The following CTNND2 variants were observed in gnomAD, a reference collection of about 807,000 sequenced individuals.
CTNND2 encodes the protein catenin delta-2.
Under a neutral mutation model 144.4 loss-of-function variants are expected in CTNND2, and 22 were observed. That is an observed-to-expected ratio of 0.15 (90% CI 0.11 to 0.22). CTNND2 has a LOEUF of 0.22. CTNND2 is among the 10% of genes least tolerant of loss of function. CTNND2 has a pLI of 1.00. For missense variants in CTNND2, 1,353 were observed against 1,618.8 expected (o/e 0.84, Z 2.82); for synonymous variants, 751 against 695.6 (o/e 1.08, Z -1.25).
chr5:11,899,663 T>C (rs796517900), intron 1 of CTNND2, among the ~76,000 whole-genome samples: 20 of 152,358 alleles, frequency 1.3e-4, no homozygotes, highest in African/African-American at 4.8e-4. Flanking sequence ...TATGTATATA[T>C]TGATTTCTTG....
chr5:10,996,230 C>CACTG (rs1328520122), intron 18 of CTNND2, among the ~76,000 whole-genome samples: 1 of 152,114 alleles, frequency 6.6e-6, no homozygotes, highest in East Asian at 1.9e-4. Flanking sequence ...AAGGGAACGT[C>CACTG]ACGGAAGCTA....
At chr5:11,702,054 C>T (rs2126672928) in intron 2 of CTNND2, among the ~76,000 whole-genome samples, 1 of 152,306 alleles carries the variant, frequency 6.6e-6, no homozygotes, top group Admixed American at 6.5e-5. Context: ...TCAACCATCG[C>T]TCTGAGAAAA....
rs370037851 is a variant in CTNND2 at position 11,443,000 on chromosome 5, T to C, written c.288-30931A>G. On this transcript the variant is annotated intron_variant, in intron 3 of 21. Coordinates refer to ENST00000304623, the MANE Select transcript of CTNND2 (RefSeq NM_001332.4). ...TATATTACATACACCATGAAGAATA[T>C]ATTTAAAGAGTATATTGGTTTCTAT... Among the ~76,000 whole-genome samples the C allele has an allele frequency of 2.7e-5, 4 of 148,306 alleles. No homozygotes were observed. In the South Asian group the frequency reaches 6.3e-4, roughly 23 times the overall value.
chr5:11,477,995 A>G (rs939646753), intron 3 of CTNND2, among the ~76,000 whole-genome samples: 1 of 152,224 alleles, frequency 6.6e-6, no homozygotes, highest in Non-Finnish European at 1.5e-5. Flanking sequence ...TTTGGGTGGT[A>G]GAGTTTAACC....
intron 9 of CTNND2, among the ~76,000 whole-genome samples, chr5:11,240,204 CA>C (rs1742099015): frequency 1.0e-4 from 13 of 127,426 alleles, no homozygotes; most frequent in Non-Finnish European, 1.3e-4. Flanking sequence ...CACACACACA[CA>C]CCCCCAACAC....
At chr5:11,324,463 T>G (rs1272665836) in intron 9 of CTNND2, among the ~76,000 whole-genome samples, 1 of 152,216 alleles carries the variant, frequency 6.6e-6, no homozygotes, top group Non-Finnish European at 1.5e-5. Context: ...TCGTTTTTTG[T>G]TGAAAGTTAC....
intron 1 of CTNND2, among the ~76,000 whole-genome samples, chr5:11,891,252 G>A (rs905859921): frequency 1.3e-5 from 2 of 152,130 alleles, no homozygotes; most frequent in East Asian, 3.8e-4. Context: ...ATAAATCAAA[G>A]CAAAACATTT....
intron 9 of CTNND2, among the ~76,000 whole-genome samples, chr5:11,274,029 C>A (rs1464430824): frequency 6.6e-6 from 1 of 152,170 alleles, no homozygotes; most frequent in Non-Finnish European, 1.5e-5. Flanking sequence ...ATTTCGACTG[C>A]TCCTGCTTCA....
chr5:11,340,570 AC>A (rs377192809), intron 9 of CTNND2, among the ~76,000 whole-genome samples: 24 of 152,268 alleles, frequency 1.6e-4, no homozygotes, highest in African/African-American at 5.8e-4. Context: ...CAAAATTGGG[AC>A]CCAAAAAAGA....
intron 3 of CTNND2, among the ~76,000 whole-genome samples, chr5:11,436,327 G>T (rs1307411539): frequency 6.6e-6 from 1 of 152,162 alleles, no homozygotes; most frequent in Admixed American, 6.5e-5. Context: ...GAGGCAGAAA[G>T]ATCTCCAACC....
chr5:11,564,015 A>G (rs1776880704), intron 3 of CTNND2, among the ~76,000 whole-genome samples: 2 of 152,188 alleles, frequency 1.3e-5, no homozygotes, highest in South Asian at 4.1e-4. Context: ...CTCTGAGTGC[A>G]GTGATGCAAT....
chr5:10,986,663 T>C (rs1456986644), intron 20 of CTNND2: 1 of 456,164 alleles, frequency 2.2e-6, no homozygotes, highest in Admixed American at 2.3e-5. Flanking sequence ...TGAGTTAGGT[T>C]CTCCCGTTCA....
At chr5:11,781,352 T>G (rs1790533689) in intron 1 of CTNND2, among the ~76,000 whole-genome samples, 1 of 152,214 alleles carries the variant, frequency 6.6e-6, no homozygotes, top group African/African-American at 2.4e-5. Flanking sequence ...ATCAGTTCCC[T>G]AACACAATCA....
At chr5:11,609,261 C>A (rs1423555026) in intron 2 of CTNND2, among the ~76,000 whole-genome samples, 2 of 152,194 alleles carry the variant, frequency 1.3e-5, no homozygotes, top group African/African-American at 4.8e-5. Flanking sequence ...ACATGTCTCC[C>A]AGTAAGTCAT....
At chr5:11,118,491 C>T (rs1195856616) in intron 12 of CTNND2, among the ~76,000 whole-genome samples, 1 of 152,228 alleles carries the variant, frequency 6.6e-6, no homozygotes, top group African/African-American at 2.4e-5. Flanking sequence ...TCGGAATCCT[C>T]TGGAGGTGTG....
chr5:11,732,374 T>C (rs1787440792), intron 1 of CTNND2, 102 bp from the exon 2 acceptor site: 2 of 1,148,144 alleles, frequency 1.7e-6, no homozygotes, highest in East Asian at 2.4e-5. Context: ...AAAGTAAAAC[T>C]ATAAGCTGCT....
chr5:11,276,705 A>G (rs559706858), intron 9 of CTNND2, among the ~76,000 whole-genome samples: 3 of 152,334 alleles, frequency 2.0e-5, no homozygotes, highest in Non-Finnish European at 4.4e-5. Flanking sequence ...AAGGATCTCA[A>G]GAGGAAATCA....
At chr5:11,461,904 G>A in intron 3 of CTNND2, among the ~76,000 whole-genome samples, 1 of 152,058 alleles carries the variant, frequency 6.6e-6, no homozygotes, top group East Asian at 1.9e-4. Context: ...ATAAAGTTTT[G>A]TTCATATTGC....
rs561914328 is a variant in CTNND2 at position 11,105,986 on chromosome 5, T to C, written c.2463+4872A>G. Among the ~76,000 whole-genome samples the C allele has an allele frequency of 2.0e-5, 3 of 151,860 alleles. No individual in the cohort carries two copies. The South Asian group carries it at 6.3e-4, about 32-fold the overall frequency. ...AAGAGTATGGTTACTAATGAGAAAA[T>C]GAAAACTGTCTGGAAGAAAAAGAAA... On this transcript the variant is annotated intron_variant, in intron 14 of 21. Transcript: ENST00000304623.
Sources: gnomAD v4.1 joint callset for allele counts (sites outside exome capture counted in the v4.1 genomes callset) on GRCh38, gnomAD v4.1.1 for gene constraint, MANE v1.5 for transcripts, NCBI Gene and HGNC (gene_info 2026-07-23, HGNC 2026-07-21) for gene names.